CREB1: variants seen among roughly 807,000 people sequenced by gnomAD.
CREB1 encodes the protein cyclic AMP-responsive element-binding protein 1.
A neutral mutation model predicts 42.0 loss-of-function variants in CREB1; 2 were observed. That is an observed-to-expected ratio of 0.05 (90% CI 0.02 to 0.15). CREB1 has a LOEUF of 0.15. Among genes scored for constraint, CREB1 ranks in the 10% least tolerant of loss-of-function variants. The pLI is 1.00. For synonymous variants in CREB1, 123 were observed against 139.9 expected (o/e 0.88, Z 0.85); for missense variants, 199 against 388.9 (o/e 0.51, Z 4.11).
chr2:207,547,345 C>T (rs767659294), intron 1 of CREB1, among the ~76,000 whole-genome samples: 56 of 152,164 alleles, frequency 3.7e-4, no homozygotes, highest in Non-Finnish European at 3.1e-4. Context: ...TATTTAACTT[C>T]GGGGCATAGT....
At chr2:207,561,023 G>A (rs2081938681) in intron 3 of CREB1, 1 of 1,070,638 alleles carries the variant, frequency 9.3e-7, no homozygotes, top group Non-Finnish European at 1.4e-6. Context: ...GAGCAGTATA[G>A]ATCATTGCAA....
Position 207,598,423 on chromosome 2 carries a change from C to A in CREB1, c.*1365C>A. On this transcript the variant is annotated 3_prime_UTR_variant, in exon 8 of 8. Coordinates refer to ENST00000353267, the MANE Select transcript of CREB1 (RefSeq NM_004379.5). ...ATTTGTGTATATCATACATTGTTTT[C>A]AATACCACTTTTAATTGTTACTCAT... 1 of 178,598 alleles carries A rather than the reference C, an allele frequency of 5.6e-6. No homozygotes were observed. The highest frequency in any genetic ancestry group is 1.2e-5 in the Non-Finnish European group (1 of 84,306). The allele number at this position is 178,598 out of a possible 1,614,324, so 11.1% of individuals were successfully genotyped here.
At chr2:207,542,130 A>G (rs1240126046) in intron 1 of CREB1, among the ~76,000 whole-genome samples, 1 of 152,206 alleles carries the variant, frequency 6.6e-6, no homozygotes, top group African/African-American at 2.4e-5. Flanking sequence ...TGCCATAAAC[A>G]TTCATTTATG....
intron 4 of CREB1, among the ~76,000 whole-genome samples, chr2:207,569,922 G>A (rs1182543078): frequency 6.6e-6 from 1 of 151,096 alleles, no homozygotes; most frequent in Admixed American, 6.6e-5. Flanking sequence ...GCAGGCGCCC[G>A]TAGTCCCACC....
rs551108253 is a variant in CREB1 at position 207,602,138 on chromosome 2, CAG to C, written c.*5081_*5082del. The stretch of plus-strand genomic sequence containing the variant: ...TAGCTTAAGCCTTTGTATGTGTCCT[CAG>C]GGGGCAGACCGACTTTAAGAGGGAC... On this transcript the variant is annotated 3_prime_UTR_variant, in exon 8 of 8. Coordinates refer to ENST00000353267, the MANE Select transcript of CREB1 (RefSeq NM_004379.5). 45 of 200,394 alleles carry C rather than the reference CAG, an allele frequency of 2.2e-4. No individual in the cohort carries two copies. The East Asian group carries it at 2.9e-3, about 13-fold the overall frequency. The allele number at this position is 200,394 out of a possible 1,614,324, so 12.4% of individuals were successfully genotyped here. A position where few individuals can be genotyped will look rare whatever the true frequency, so the allele number is the denominator to read the frequency against.
chr2:207,560,011 G>A (rs1402119047), intron 2 of CREB1, among the ~76,000 whole-genome samples: 1 of 152,108 alleles, frequency 6.6e-6, no homozygotes, highest in African/African-American at 2.4e-5. Context: ...TTTGTCACTT[G>A]GGAAGAGCTG....
chr2:207,588,400 G>T (rs1273876176), intron 7 of CREB1, among the ~76,000 whole-genome samples: 1 of 152,032 alleles, frequency 6.6e-6, no homozygotes, highest in Non-Finnish European at 1.5e-5. Flanking sequence ...CTTTGTGTCT[G>T]TCCTTTAGCC....
rs1218971960 is a variant in CREB1, at chr2:207,605,156, C to T, written c.*8098C>T. ...TTTGAGGAACTGTCAAACTTTCCCTCAGCAGCTGTACCGTTTTACCTTCCA... is the reference window on the plus strand; with the variant it reads ...TTTGAGGAACTGTCAAACTTTCCCTTAGCAGCTGTACCGTTTTACCTTCCA... On this transcript the variant is annotated 3_prime_UTR_variant, in exon 8 of 8. Coordinates refer to ENST00000353267, the MANE Select transcript of CREB1 (RefSeq NM_004379.5). Among the ~76,000 whole-genome samples the T allele has an allele frequency of 6.6e-6, 1 of 152,184 alleles. No homozygotes were observed. Among genetic ancestry groups the T allele is most frequent in the Non-Finnish European group, 1.5e-5 (1 of 68,032 alleles).
chr2:207,546,025 G>A lies in CREB1; in HGVS notation c.-8-9603G>A, dbSNP rs533021354. Among the ~76,000 whole-genome samples, 17 of 152,294 alleles carry A rather than the reference G, an allele frequency of 1.1e-4. No homozygotes were observed. The South Asian group carries it at 2.1e-3, about 19-fold the overall frequency. ...CTTGGGATTACAGGCATGAGCCACC[G>A]CACCTGGCCAAACATATTTTTCTTT... On this transcript the variant is annotated intron_variant, in intron 1 of 7. Coordinates refer to ENST00000353267, the MANE Select transcript of CREB1 (RefSeq NM_004379.5).
At chr2:207,559,442 A>G (rs2081869830) in intron 2 of CREB1, among the ~76,000 whole-genome samples, 1 of 152,066 alleles carries the variant, frequency 6.6e-6, no homozygotes, top group Non-Finnish European at 1.5e-5. Flanking sequence ...ACATACCCCC[A>G]ATAATTTATT....
intron 1 of CREB1, among the ~76,000 whole-genome samples, chr2:207,531,379 A>G (rs1044955538): frequency 6.6e-6 from 1 of 152,260 alleles, no homozygotes. Flanking sequence ...TGTCTCATGC[A>G]GTAGGTAACC....
chr2:207,555,373 A>G (rs908000491), intron 1 of CREB1, among the ~76,000 whole-genome samples: 1 of 152,206 alleles, frequency 6.6e-6, no homozygotes, highest in Non-Finnish European at 1.5e-5. Flanking sequence ...AGACAAGGTA[A>G]TATCCCATTG....
rs748474747 is a variant in CREB1, at chr2:207,598,826, C to T, written c.*1768C>T. ...TAGCACCATTGCACTCCAGCCTGGG[C>T]GACTCCATCTCAAAAAATAAAAATA... On this transcript the variant is annotated 3_prime_UTR_variant, in exon 8 of 8. Transcript: ENST00000353267. 6 of 165,514 alleles carry T rather than the reference C, an allele frequency of 3.6e-5. No individual in the cohort carries two copies. Among genetic ancestry groups the T allele is most frequent in the Non-Finnish European group, 6.4e-5 (5 of 78,318 alleles). The allele number at this position is 165,514 out of a possible 1,614,324, so 10.3% of individuals were successfully genotyped here. A position where few individuals can be genotyped will look rare whatever the true frequency, so the allele number is the denominator to read the frequency against.
At chr2:207,535,766 T>C (rs2080843281) in intron 1 of CREB1, among the ~76,000 whole-genome samples, 1 of 151,730 alleles carries the variant, frequency 6.6e-6, no homozygotes, top group South Asian at 2.1e-4. Context: ...CCTCTAGCTT[T>C]TCGAAACAGC....
chr2:207,585,949 T>C lies in CREB1; in HGVS notation c.839+8294T>C, dbSNP rs557100511. ...TATAGGAAAAGGCATAGAAAACCTATTTAACAAAATAATCACTGAAGACCT... is the reference window on the plus strand; with the variant it reads ...TATAGGAAAAGGCATAGAAAACCTACTTAACAAAATAATCACTGAAGACCT... On this transcript the variant is annotated intron_variant, in intron 7 of 7. Transcript: ENST00000353267. Among the ~76,000 whole-genome samples the C allele has an allele frequency of 3.3e-5, 5 of 152,238 alleles. No homozygotes were observed. The South Asian group carries it at 1.0e-3, about 32-fold the overall frequency.
intron 7 of CREB1, among the ~76,000 whole-genome samples, chr2:207,585,222 C>G (rs1013575574): frequency 6.6e-6 from 1 of 152,200 alleles, no homozygotes; most frequent in Non-Finnish European, 1.5e-5. Context: ...ACCAGCCAAC[C>G]TGATGTCCCC....
chr2:207,597,215 G>A lies in CREB1; in HGVS notation c.*157G>A. 1 of 768,340 alleles carries A rather than the reference G, an allele frequency of 1.3e-6. No homozygotes were observed. 47.6% of individuals were successfully genotyped at this position (768,340 alleles called of 1,614,324 possible). A position where few individuals can be genotyped will look rare whatever the true frequency, so the allele number is the denominator to read the frequency against. Reference sequence around the variant, plus strand: ...CAGAATTTCATTCATTTGTGCTTTTGCATTAAACTGTGAATGTTCCAACAC... The same window carrying A: ...CAGAATTTCATTCATTTGTGCTTTTACATTAAACTGTGAATGTTCCAACAC... On this transcript the variant is annotated 3_prime_UTR_variant, in exon 8 of 8. Transcript: ENST00000353267.
intron 2 of CREB1, among the ~76,000 whole-genome samples, chr2:207,558,958 A>G (rs1303980591): frequency 1.3e-5 from 2 of 152,146 alleles, no homozygotes; most frequent in Admixed American, 1.3e-4. Context: ...TGATCTATCT[A>G]AAAGCAAACA....
intron 1 of CREB1, among the ~76,000 whole-genome samples, chr2:207,530,796 C>T (rs1559255521): frequency 6.6e-6 from 1 of 151,946 alleles, no homozygotes; most frequent in Non-Finnish European, 1.5e-5. Flanking sequence ...TCTCTCCACT[C>T]TTTGTGCAAT....
Sources: gnomAD v4.1 joint callset for allele counts (sites outside exome capture counted in the v4.1 genomes callset) on GRCh38, gnomAD v4.1.1 for gene constraint, MANE v1.5 for transcripts, NCBI Gene and HGNC (gene_info 2026-07-23, HGNC 2026-07-21) for gene names.